The following NOL9 variants were observed in gnomAD, a reference collection of about 807,000 sequenced individuals.
NOL9 encodes the protein nucleolar protein 9, also known as polynucleotide 5'-hydroxyl-kinase NOL9.
Under a neutral mutation model 67.9 loss-of-function variants are expected in NOL9, and 28 were observed. The observed-to-expected ratio is 0.41, with a 90% CI of 0.31 to 0.57. The LOEUF (loss-of-function observed/expected upper bound fraction) is 0.57. Among genes scored for constraint, NOL9 ranks in the 20% least tolerant of loss-of-function variants. The pLI, the probability that NOL9 is intolerant of heterozygous loss-of-function variation, is 0.25. For missense variants in NOL9, 777 were observed against 897.0 expected, an observed-to-expected ratio of 0.87 and a Z score of 1.71; for synonymous variants, 356 against 352.2, an observed-to-expected ratio of 1.01 and a Z score of -0.12.
chr1:6,531,881 G>T, intron 9 of NOL9, 87 bp downstream of exon 9: 2 of 943,978 alleles, frequency 2.1e-6, no homozygotes, highest in Non-Finnish European at 3.5e-6. Context: ...GAGGAGTTAT[G>T]TAGTGGTTAG....
At chr1:6,541,433 C>T (rs2148657910) in intron 6 of NOL9, among the ~76,000 whole-genome samples, 1 of 152,322 alleles carries the variant, frequency 6.6e-6, no homozygotes. Context: ...GCACCAGCCT[C>T]AGCCTCCCCA....
At chr1:6,548,893 C>T (rs542393149) in intron 3 of NOL9, among the ~76,000 whole-genome samples, 60 of 151,878 alleles carry the variant, frequency 4.0e-4, no homozygotes, top group Non-Finnish European at 7.2e-4. Flanking sequence ...ACCAACCTGG[C>T]CAACATGGTG....
intron 6 of NOL9, among the ~76,000 whole-genome samples, chr1:6,540,615 C>T (rs982170781): frequency 2.6e-5 from 4 of 152,076 alleles, no homozygotes; most frequent in African/African-American, 9.7e-5. Context: ...GACCTGAGGT[C>T]AGGAGTTCGA....
intron 6 of NOL9, among the ~76,000 whole-genome samples, chr1:6,540,279 C>T (rs1020704760): frequency 6.6e-6 from 1 of 151,924 alleles, no homozygotes; most frequent in Non-Finnish European, 1.5e-5. Context: ...CCCGCCACTA[C>T]GCCTGGCTAA....
At chr1:6,550,659 C>A (rs2148662600) in intron 1 of NOL9, 44 bp from the exon 2 acceptor site, 14 of 1,155,330 alleles carry the variant, frequency 1.2e-5, no homozygotes, top group African/African-American at 1.6e-5. Context: ...GATCATGTCA[C>A]TAATGACTGA....
chr1:6,532,353 G>A, intron 8 of NOL9, 110 bp downstream of exon 8: 2 of 1,027,282 alleles, frequency 1.9e-6, no homozygotes, highest in South Asian at 1.6e-5. Flanking sequence ...GCACAGCTGT[G>A]ACAGGGACCT....
At chr1:6,535,889 T>C (rs528082193) in intron 6 of NOL9, among the ~76,000 whole-genome samples, 35 of 149,114 alleles carry the variant, frequency 2.3e-4, no homozygotes, top group African/African-American at 8.6e-4. Context: ...GATCGTGCTA[T>C]TGCACTCCAG....
chr1:6,544,675 C>T (rs906001403), intron 5 of NOL9, 151 bp downstream of exon 5: 13 of 722,142 alleles, frequency 1.8e-5, no homozygotes, highest in Admixed American at 5.0e-5. Context: ...GCAAAGCAGA[C>T]GGCAGTGAGG....
At chr1:6,545,919 C>CAAAAA (rs66980518) in intron 3 of NOL9, among the ~76,000 whole-genome samples, 1,275 of 57,756 alleles carry the variant, frequency 0.022, 81 homozygotes, top group African/African-American at 0.028. Context: ...GTCTGTGTCT[C>CAAAAA]AAAAAAAAAA....
chr1:6,531,236 C>T lies in NOL9; in HGVS notation c.1647+732G>A, dbSNP rs556087458. On this transcript the variant is annotated intron_variant, in intron 9 of 11. Transcript: ENST00000377705. ...TACTTCTTTTTTTTTTCTTTTAAGT[C>T]GGCATCTCGCTCTGTCACCCAGGCT... Among the ~76,000 whole-genome samples, 19 of 151,352 alleles carry T rather than the reference C, an allele frequency of 1.3e-4. No individual in the cohort carries two copies. In the South Asian group the frequency reaches 1.5e-3, roughly 12 times the overall value.
chr1:6,546,890 T>C (rs1639432319), intron 3 of NOL9, among the ~76,000 whole-genome samples: 2 of 152,224 alleles, frequency 1.3e-5, no homozygotes, highest in African/African-American at 4.8e-5. Context: ...TGAGTCCCTC[T>C]CCGCCCAGGC....
At chr1:6,543,431 G>A (rs910665962) in intron 5 of NOL9, among the ~76,000 whole-genome samples, 2 of 152,070 alleles carry the variant, frequency 1.3e-5, no homozygotes, top group African/African-American at 2.4e-5. Context: ...TCCTGACCTC[G>A]TGATCTGCCC....
chr1:6,540,119 T>TTC (rs1639246338), intron 6 of NOL9, among the ~76,000 whole-genome samples: 1 of 45,540 alleles, frequency 2.2e-5, no homozygotes, highest in Non-Finnish European at 4.9e-5. Context: ...CCAAGGAGAG[T>TTC]TATTCTTTTT....
Position 6,554,395 on chromosome 1 carries a change from C to A in NOL9, c.108G>T (p.Arg36=). The stretch of plus-strand genomic sequence containing the variant: ...GACCGCACCAGCGCAGGCTCCCGAG[C>A]CGGCGGCGGGGCCGGCGGCTGAGGA... The part of the protein sequence containing the change: ...QLILSRRPRR[R]LGSLRWCGRR... Residue 36 remains arginine, a synonymous_variant, in exon 1 of 12, where the codon CGG becomes CGT. Coordinates refer to ENST00000377705, the MANE Select transcript of NOL9 (RefSeq NM_024654.5). The A allele has an allele frequency of 6.7e-7, 1 of 1,495,058 alleles. No homozygotes were observed. The highest frequency in any genetic ancestry group is 8.8e-7 in the Non-Finnish European group (1 of 1,135,562). 92.6% of individuals were successfully genotyped at this position (1,495,058 alleles called of 1,614,324 possible). A position where few individuals can be genotyped will look rare whatever the true frequency, so the allele number is the denominator to read the frequency against.
intron 10 of NOL9, among the ~76,000 whole-genome samples, chr1:6,528,158 T>G (rs1157739056): frequency 1.3e-5 from 2 of 152,108 alleles, no homozygotes; most frequent in African/African-American, 4.8e-5. Flanking sequence ...AACTCCAAAT[T>G]TATTGACCTC....
chr1:6,552,162 G>A (rs1335689196), intron 1 of NOL9, among the ~76,000 whole-genome samples: 3 of 152,202 alleles, frequency 2.0e-5, no homozygotes, highest in Non-Finnish European at 2.9e-5. Flanking sequence ...GGGGAAGGGC[G>A]TCAGGAAGAA....
At chr1:6,533,513 G>T in intron 6 of NOL9, 72 bp from the exon 7 acceptor site, 1 of 1,200,714 alleles carries the variant, frequency 8.3e-7, no homozygotes, top group Non-Finnish European at 1.1e-6. Flanking sequence ...AAGGTGGTGA[G>T]GGTTTTGTTT....
rs1639382983 is a variant in NOL9, at chr1:6,544,733, C to CT, written c.977+92dup. ...CTTTAGACCTGTATGTAATCTCTAG[C>CT]TAGAAGCCAAGAAGCATTCCCTCCA... On this transcript the variant is annotated intron_variant, in intron 5 of 11. Coordinates refer to ENST00000377705, the MANE Select transcript of NOL9 (RefSeq NM_024654.5). The CT allele has an allele frequency of 4.1e-5, 54 of 1,316,978 alleles. No individual in the cohort carries two copies. The South Asian group carries it at 6.7e-4, about 16-fold the overall frequency. 81.6% of individuals were successfully genotyped at this position (1,316,978 alleles called of 1,614,324 possible). A position where few individuals can be genotyped will look rare whatever the true frequency, so the allele number is the denominator to read the frequency against.
chr1:6,534,291 T>C (rs1259895656), intron 6 of NOL9, among the ~76,000 whole-genome samples: 1 of 152,214 alleles, frequency 6.6e-6, no homozygotes, highest in Non-Finnish European at 1.5e-5. Flanking sequence ...AGCCAGTCAG[T>C]AAACAGCAAG....
Sources: gnomAD v4.1 joint callset for allele counts (sites outside exome capture counted in the v4.1 genomes callset) on GRCh38, gnomAD v4.1.1 for gene constraint, MANE v1.5 for transcripts, NCBI Gene and HGNC (gene_info 2026-07-23, HGNC 2026-07-21) for gene names.